The following POMGNT1 variants were observed in gnomAD, a reference collection of about 807,000 sequenced individuals.
POMGNT1 encodes protein O-linked mannose N-acetylglucosaminyltransferase 1 (beta 1,2-).
A neutral mutation model predicts 95.6 loss-of-function variants in POMGNT1; 67 were observed. That is an observed-to-expected ratio of 0.70 (90% CI 0.58 to 0.86). The LOEUF (loss-of-function observed/expected upper bound fraction) is 0.86, where lower values mean the gene tolerates loss of function less well. Ranked by LOEUF, POMGNT1 falls within the 40% of genes least tolerant of loss-of-function variation. The probability of loss-of-function intolerance (pLI) is 0.00; values close to 1 mark genes in which losing one functional copy is unlikely to be tolerated. For missense variants in POMGNT1, 719 were observed against 855.2 expected, an observed-to-expected ratio of 0.84 and a Z score of 1.99; for synonymous variants, 298 against 317.9, an observed-to-expected ratio of 0.94 and a Z score of 0.66.
At chr1:46,202,920 G>GTGTGTGTGTGT (rs540959987), upstream of POMGNT1, among the ~76,000 whole-genome samples, 1 of 64,514 alleles carries the variant, frequency 1.6e-5, no homozygotes, top group African/African-American at 6.6e-5. Context: ...GGGGGGGGGT[G>GTGTGTGTGTGT]GTGTGTGTGT....
chr1:46,189,059 C>G lies in POMGNT1; in HGVS notation c.*211G>C, dbSNP rs1657533841. 7 of 1,529,204 alleles carry G rather than the reference C, an allele frequency of 4.6e-6. No individual in the cohort carries two copies. The highest frequency in any genetic ancestry group is 2.6e-5 in the South Asian group (2 of 77,364). The allele number at this position is 1,529,204 out of a possible 1,614,324, so 94.7% of individuals were successfully genotyped here. A position where few individuals can be genotyped will look rare whatever the true frequency, so the allele number is the denominator to read the frequency against. ...TTCCCAGGTACTCTCCTGCCCTTCT[C>G]CAACAAGGAAGTAAATAAATAGACT... On this transcript the variant is annotated 3_prime_UTR_variant, in exon 22 of 22. Coordinates refer to ENST00000371984, the MANE Select transcript of POMGNT1 (RefSeq NM_017739.4).
chr1:46,209,068 A>G (rs2148241127), intron 1 of POMGNT1, among the ~76,000 whole-genome samples: 1 of 152,212 alleles, frequency 6.6e-6, no homozygotes, highest in South Asian at 2.1e-4. Context: ...CTTGTTGCCC[A>G]GGCTGGAGTG....
At chr1:46,192,678 AGGAGCACCTCCTTCCT>A in intron 14 of POMGNT1, 88 bp from the exon 15 acceptor site, 1 of 1,601,602 alleles carries the variant, frequency 6.2e-7, no homozygotes, top group Non-Finnish European at 8.5e-7. Flanking sequence ...GCTGGGTCTC[AGGAGCACCTCCTTCCT>A]GGAGTACCTC....
intron 1 of POMGNT1, among the ~76,000 whole-genome samples, chr1:46,219,450 A>G (rs1360436651): frequency 6.6e-6 from 1 of 152,154 alleles, no homozygotes; most frequent in Non-Finnish European, 1.5e-5. Context: ...CTACCCTGTG[A>G]GGTAAGTGAT....
At chr1:46,195,175 C>T (rs1345256258) in intron 6 of POMGNT1, among the ~76,000 whole-genome samples, 1 of 152,232 alleles carries the variant, frequency 6.6e-6, no homozygotes, top group African/African-American at 2.4e-5. Context: ...CACAAACCCA[C>T]ACGATCTGCA....
At chr1:46,194,709 T>TC in intron 7 of POMGNT1, 58 bp from the exon 8 acceptor site, 1 of 1,614,162 alleles carries the variant, frequency 6.2e-7, no homozygotes, top group Non-Finnish European at 8.5e-7. Context: ...GGGGGCTTTT[T>TC]CCCATCTCCC....
At chr1:46,202,696 CAAA>C (rs768113273), upstream of POMGNT1, among the ~76,000 whole-genome samples, 110 of 32,230 alleles carry the variant, frequency 3.4e-3, no homozygotes, top group Middle Eastern at 0.045. Flanking sequence ...GACTCTGTCT[CAAA>C]AAAAAAAAAA....
intron 17 of POMGNT1, chr1:46,191,634 T>G: frequency 3.9e-6 from 1 of 257,548 alleles, no homozygotes; most frequent in Non-Finnish European, 7.6e-6. Context: ...GGTAGTAGTA[T>G]TTTATCCTCT....
At position 46,196,142 on chromosome 1, in the gene POMGNT1, G is replaced by A; in HGVS notation, c.355-65C>T. 1 of 1,611,088 alleles carries A rather than the reference G, an allele frequency of 6.2e-7. No homozygotes were observed. Among genetic ancestry groups the A allele is most frequent in the Non-Finnish European group, 8.5e-7 (1 of 1,179,626 alleles). On this transcript the variant is annotated intron_variant, in intron 4 of 21. Transcript: ENST00000371984. The surrounding 1 kb of genome is among the most constrained non-coding windows in gnomAD (Gnocchi z 4.4). Reference sequence around the variant, plus strand: ...GCATTCAAGGTGTCTCTGTCTTAGGGGTACTTAAAACACCAGCTGCTTGAA... The same window carrying A: ...GCATTCAAGGTGTCTCTGTCTTAGGAGTACTTAAAACACCAGCTGCTTGAA...
Position 46,196,030 on chromosome 1 carries a change from A to T in POMGNT1, c.402T>A (p.Ile134=), listed in dbSNP as rs747133404. The change falls in exon 5 of 22, where the codon ATT becomes ATA. Residue 134 remains isoleucine, a synonymous_variant. Coordinates refer to ENST00000371984, the MANE Select transcript of POMGNT1 (RefSeq NM_017739.4). This position sits in a 1 kb window ranked among gnomAD's most constrained non-coding sequence, Gnocchi z 4.4. ...AREQGRGIHV[I]VLNQATGHVM... ...AACTCACCGTGGCCTGGTTGAGGAC[A>T]ATGACATGGATGCCCCGGCCCTGCT... 5 of 1,613,892 alleles carry T rather than the reference A, an allele frequency of 3.1e-6. No homozygotes were observed. The East Asian group carries it at 1.1e-4, about 36-fold the overall frequency.
At chr1:46,189,378 T>C in intron 21 of POMGNT1, 21 bp from the exon 22 acceptor site, 1 of 1,613,934 alleles carries the variant, frequency 6.2e-7, no homozygotes, top group Non-Finnish European at 8.5e-7. Context: ...AATACAAGAA[T>C]GTATAGAGAA....
intron 1 of POMGNT1, among the ~76,000 whole-genome samples, chr1:46,205,507 A>AG (rs1557682659): frequency 1.3e-5 from 2 of 152,216 alleles, no homozygotes; most frequent in Admixed American, 1.3e-4. Flanking sequence ...CTCCCATCTT[A>AG]CAGATAAAAC....
chr1:46,195,160 C>A (rs1301180025), intron 6 of POMGNT1, among the ~76,000 whole-genome samples, 199 bp from the exon 7 acceptor site: 1 of 152,196 alleles, frequency 6.6e-6, no homozygotes, highest in African/African-American at 2.4e-5. Flanking sequence ...CTAATAAGTC[C>A]TTTCCACAAA....
At chr1:46,219,776 G>T in exon 1 of POMGNT1, 9 of 1,614,142 alleles carry the variant, frequency 5.6e-6, no homozygotes, top group Non-Finnish European at 7.6e-6. Context: ...CAGTGCGCTG[G>T]CTGTTGGAGG....
intron 17 of POMGNT1, 112 bp downstream of exon 17, chr1:46,191,986 T>C: frequency 6.9e-7 from 1 of 1,453,028 alleles, no homozygotes; most frequent in Non-Finnish European, 9.5e-7. Context: ...GGATAGCTCT[T>C]TCCCCAAGGT....
At chr1:46,198,911 A>T (rs1178520852), upstream of POMGNT1, among the ~76,000 whole-genome samples, 1 of 151,692 alleles carries the variant, frequency 6.6e-6, no homozygotes, top group African/African-American at 2.4e-5. Context: ...TTCCACAACA[A>T]CCCCATGAGG....
At chr1:46,212,680 G>C (rs1160676124) in intron 1 of POMGNT1, among the ~76,000 whole-genome samples, 1 of 151,970 alleles carries the variant, frequency 6.6e-6, no homozygotes, top group African/African-American at 2.4e-5. Flanking sequence ...GGGTTCAAGT[G>C]ATTCTCCTGC....
rs766228409 is a variant in POMGNT1, at chr1:46,208,032, G to A, written c.-50-10161C>T. ...ACAGGCACCCGCCTAGTTAATTTTT[G>A]TATTTTTAGTAGAGATGGGGTTTCA... On this transcript the variant is annotated intron_variant, in intron 1 of 22. Transcript: ENST00000371992. Among the ~76,000 whole-genome samples the A allele has an allele frequency of 2.0e-5, 3 of 151,646 alleles. No homozygotes were observed. The East Asian group carries it at 5.8e-4, about 29-fold the overall frequency.
In POMGNT1 at chr1:46,190,752, C is replaced by T. The variant is rs201897676; in HGVS notation, c.1572G>A (p.Thr524=). 9.9e-6 allele frequency: 16 copies of T among 1,613,776 alleles called. No homozygotes were observed. Among genetic ancestry groups the T allele is most frequent in the East Asian group, 8.9e-5 (4 of 44,898 alleles). Residue 524 remains threonine, a synonymous_variant, in exon 18 of 22, where the codon ACG becomes ACA. Transcript: ENST00000371984. The stretch of plus-strand genomic sequence containing the variant: ...CATTCCTGAGCTGGACACCTGGAAC[C>T]GTGTTGAACTTGTGCTTCTTGAAGT... ...EAYFKKHKFN[T]VPGVQLRNVD...
Sources: allele counts gnomAD v4.1 joint callset (sites outside exome capture counted in the v4.1 genomes callset), GRCh38; gene constraint gnomAD v4.1.1; non-coding constraint Gnocchi (gnomAD v3.1); transcripts MANE v1.5; gene names NCBI Gene and HGNC (gene_info 2026-07-23, HGNC 2026-07-21).